Variants in HS3ST4 observed in about 807,000 individuals in gnomAD.
HS3ST4 encodes heparan sulfate glucosamine 3-O-sulfotransferase 4.
HS3ST4 carries 17 observed loss-of-function variants against 29.2 expected under a neutral mutation model. The observed-to-expected ratio is 0.58, with a 90% CI of 0.40 to 0.87. The LOEUF (loss-of-function observed/expected upper bound fraction) is 0.87, where lower values mean the gene tolerates loss of function less well. HS3ST4 is among the 40% of genes least tolerant of loss of function. The pLI is 0.00. For synonymous variants in HS3ST4, 314 were observed against 285.7 expected, an observed-to-expected ratio of 1.10 and a Z score of -1.00; for missense variants, 627 against 634.5, an observed-to-expected ratio of 0.99 and a Z score of 0.13.
chr16:25,827,775 T>C (rs1479007757), intron 1 of HS3ST4, among the ~76,000 whole-genome samples: 1 of 152,170 alleles, frequency 6.6e-6, no homozygotes, highest in Non-Finnish European at 1.5e-5. Flanking sequence ...AGAGTCAATC[T>C]GGCCTACTAT....
chr16:25,956,991 C>G (rs1168169248), intron 1 of HS3ST4, among the ~76,000 whole-genome samples: 4 of 121,340 alleles, frequency 3.3e-5, no homozygotes, highest in African/African-American at 1.4e-4. Flanking sequence ...GAGCGAGACT[C>G]CGTCTCAAAA....
chr16:25,766,241 T>A (rs1966818513), intron 1 of HS3ST4, among the ~76,000 whole-genome samples: 1 of 151,814 alleles, frequency 6.6e-6, no homozygotes, highest in South Asian at 2.1e-4. Context: ...GAGGATGAAG[T>A]GAGATGAAGG....
At chr16:25,704,664 G>T (rs574552774) in intron 1 of HS3ST4, among the ~76,000 whole-genome samples, 10 of 152,082 alleles carry the variant, frequency 6.6e-5, no homozygotes, top group African/African-American at 2.4e-4. Flanking sequence ...GATCACCTGA[G>T]GTCAGGAGTT....
intron 1 of HS3ST4, among the ~76,000 whole-genome samples, chr16:25,697,347 G>A (rs549356744): frequency 6.6e-6 from 1 of 152,280 alleles, no homozygotes; most frequent in South Asian, 2.1e-4. Context: ...GTCTAGTATG[G>A]TAGCTACTGT....
intron 1 of HS3ST4, among the ~76,000 whole-genome samples, chr16:25,896,281 T>A (rs577437108): frequency 6.6e-6 from 1 of 152,280 alleles, no homozygotes; most frequent in East Asian, 1.9e-4. Flanking sequence ...CTAATAGCCT[T>A]CAACCCTCAT....
At chr16:25,768,671 A>G (rs1010040891) in intron 1 of HS3ST4, among the ~76,000 whole-genome samples, 11 of 152,216 alleles carry the variant, frequency 7.2e-5, no homozygotes, top group African/African-American at 2.4e-4. Context: ...GTATTGTAAA[A>G]GTTGCTCTGG....
At chr16:26,002,259 G>A (rs2141734368) in intron 1 of HS3ST4, among the ~76,000 whole-genome samples, 1 of 152,222 alleles carries the variant, frequency 6.6e-6, no homozygotes, top group East Asian at 1.9e-4. Context: ...GGTCATTAAT[G>A]TTTTGGGAAT....
chr16:25,723,865 G>A (rs1966512687), intron 1 of HS3ST4, among the ~76,000 whole-genome samples: 1 of 152,150 alleles, frequency 6.6e-6, no homozygotes, highest in Non-Finnish European at 1.5e-5. Flanking sequence ...TGTAATCCCA[G>A]CACTTTGGGA....
At chr16:26,021,853 G>A (rs1041286952) in intron 1 of HS3ST4, among the ~76,000 whole-genome samples, 1 of 151,792 alleles carries the variant, frequency 6.6e-6, no homozygotes, top group Non-Finnish European at 1.5e-5. Flanking sequence ...TAGTAGCGAC[G>A]GGGTTTCACC....
chr16:25,942,457 A>G (rs533418091), intron 1 of HS3ST4, among the ~76,000 whole-genome samples: 133 of 152,246 alleles, frequency 8.7e-4, no homozygotes, highest in African/African-American at 3.2e-3. Flanking sequence ...GTCCTCTGCC[A>G]TTCAAAATCC....
intron 1 of HS3ST4, among the ~76,000 whole-genome samples, chr16:25,887,239 G>T (rs1567265065): frequency 6.6e-6 from 1 of 152,140 alleles, no homozygotes; most frequent in Non-Finnish European, 1.5e-5. Flanking sequence ...GGACACTGAG[G>T]CAAGGCTATA....
chr16:25,733,436 A>G (rs1338835554), intron 1 of HS3ST4, among the ~76,000 whole-genome samples: 1 of 152,154 alleles, frequency 6.6e-6, no homozygotes, highest in Non-Finnish European at 1.5e-5. Context: ...TCACCTGAGC[A>G]TCTAGCCCCG....
intron 1 of HS3ST4, among the ~76,000 whole-genome samples, chr16:25,847,010 C>T (rs1052562175): frequency 4.2e-5 from 5 of 118,414 alleles, no homozygotes; most frequent in East Asian, 4.6e-4. Flanking sequence ...CCCATCAACA[C>T]GAGTTTTTTT....
At chr16:25,801,390 C>T (rs1966932809) in intron 1 of HS3ST4, among the ~76,000 whole-genome samples, 1 of 152,130 alleles carries the variant, frequency 6.6e-6, no homozygotes, top group African/African-American at 2.4e-5. Context: ...ATTCTTGCTC[C>T]TGTATGTCTG....
chr16:25,895,058 T>TAAC (rs1045582128), intron 1 of HS3ST4, among the ~76,000 whole-genome samples: 2 of 151,924 alleles, frequency 1.3e-5, no homozygotes, highest in African/African-American at 4.8e-5. Flanking sequence ...ATGAGAGTTA[T>TAAC]AACAAGAGTA....
chr16:25,972,447 T>C (rs1041049465), intron 1 of HS3ST4, among the ~76,000 whole-genome samples: 1 of 152,200 alleles, frequency 6.6e-6, no homozygotes, highest in Non-Finnish European at 1.5e-5. Flanking sequence ...GCTTCCAAGC[T>C]CACTCAAGAG....
chr16:25,990,193 A>G (rs1238997636), intron 1 of HS3ST4, among the ~76,000 whole-genome samples: 1 of 152,184 alleles, frequency 6.6e-6, no homozygotes, highest in Non-Finnish European at 1.5e-5. Context: ...AATTTTGGCA[A>G]TTAGTGCTTT....
chr16:26,029,737 A>T (rs1457804716), intron 1 of HS3ST4, among the ~76,000 whole-genome samples: 1 of 152,052 alleles, frequency 6.6e-6, no homozygotes, highest in East Asian at 1.9e-4. Flanking sequence ...TACCTGGGAG[A>T]GCTGCTGGGT....
intron 1 of HS3ST4, among the ~76,000 whole-genome samples, chr16:26,020,515 AC>A (rs1476608135): frequency 6.6e-6 from 1 of 152,216 alleles, no homozygotes; most frequent in Non-Finnish European, 1.5e-5. Flanking sequence ...ATTTCTAAGA[AC>A]TTGAACCTGC....
Sources: gnomAD v4.1 joint callset for allele counts (sites outside exome capture counted in the v4.1 genomes callset) on GRCh38, gnomAD v4.1.1 for gene constraint, MANE v1.5 for transcripts, NCBI Gene and HGNC (gene_info 2026-07-23, HGNC 2026-07-21) for gene names.